The following PRKCB variants were observed in gnomAD, a reference collection of about 807,000 sequenced individuals.
The protein encoded by PRKCB is protein kinase C beta.
In PRKCB, 13 loss-of-function variants were observed where a neutral mutation model predicts 81.5. The ratio of observed to expected loss-of-function variants is 0.16; its 90% CI spans 0.10 to 0.25. The LOEUF (loss-of-function observed/expected upper bound fraction) is 0.25. Ranked by LOEUF, PRKCB falls within the 10% of genes least tolerant of loss-of-function variation. PRKCB has a pLI of 1.00. For synonymous variants in PRKCB, 335 were observed against 321.4 expected, an observed-to-expected ratio of 1.04 and a Z score of -0.45; for missense variants, 509 against 875.7, an observed-to-expected ratio of 0.58 and a Z score of 5.29.
chr16:24,149,654 T>C (rs1330024075), intron 9 of PRKCB, among the ~76,000 whole-genome samples: 1 of 152,226 alleles, frequency 6.6e-6, no homozygotes, highest in Non-Finnish European at 1.5e-5. Context: ...GCTTGGAATC[T>C]ATATGGTAAG....
chr16:24,032,092 G>A (rs553890152), intron 3 of PRKCB, 44 bp from the exon 4 acceptor site: 1 of 1,388,070 alleles, frequency 7.2e-7, no homozygotes, highest in Non-Finnish European at 1.0e-6. Context: ...CCGTTGGCAT[G>A]CTCCACTGAC....
chr16:23,881,982 C>CTTTT (rs1199307590), intron 2 of PRKCB, among the ~76,000 whole-genome samples: 1 of 22,012 alleles, frequency 4.5e-5, no homozygotes, highest in Non-Finnish European at 1.0e-4. Flanking sequence ...TTCTTTCTTT[C>CTTTT]TTTCTTTCTT....
intron 16 of PRKCB, among the ~76,000 whole-genome samples, chr16:24,200,496 C>T (rs1370260187): frequency 6.6e-6 from 1 of 152,102 alleles, no homozygotes; most frequent in Non-Finnish European, 1.5e-5. Context: ...TGTCTTAGTC[C>T]ATGTTGTGTT....
intron 2 of PRKCB, among the ~76,000 whole-genome samples, chr16:23,860,363 A>G (rs1337865768): frequency 6.6e-6 from 1 of 152,158 alleles, no homozygotes; most frequent in Non-Finnish European, 1.5e-5. Flanking sequence ...GGGAGAAGAT[A>G]GAGAATTATG....
intron 2 of PRKCB, among the ~76,000 whole-genome samples, chr16:23,857,492 A>G (rs1962589566): frequency 6.6e-6 from 1 of 152,038 alleles, no homozygotes; most frequent in South Asian, 2.1e-4. Flanking sequence ...GAGACTTCCA[A>G]GGGCTGGGAT....
At chr16:24,063,758 T>C (rs1402302728) in intron 5 of PRKCB, among the ~76,000 whole-genome samples, 1 of 152,058 alleles carries the variant, frequency 6.6e-6, no homozygotes, top group Non-Finnish European at 1.5e-5. Context: ...CACTAGAGTG[T>C]GAGATTTCTG....
chr16:23,890,753 T>C (rs1337899579), intron 2 of PRKCB, among the ~76,000 whole-genome samples: 7 of 152,190 alleles, frequency 4.6e-5, no homozygotes, highest in Admixed American at 4.6e-4. Context: ...AGAGCCTGCC[T>C]TTCTTCTGGG....
chr16:24,015,092 C>T (rs897669870), intron 3 of PRKCB, among the ~76,000 whole-genome samples: 45 of 152,272 alleles, frequency 3.0e-4, no homozygotes, highest in African/African-American at 1.1e-3. Context: ...TGAACTGCCG[C>T]GCCTGGCCTT....
intron 15 of PRKCB, among the ~76,000 whole-genome samples, chr16:24,190,320 A>G (rs932670838): frequency 1.3e-5 from 2 of 152,168 alleles, no homozygotes; most frequent in African/African-American, 4.8e-5. Flanking sequence ...TGCAAATGGT[A>G]TCTGAATGAA....
At chr16:24,091,803 G>T (rs1171876337) in intron 5 of PRKCB, among the ~76,000 whole-genome samples, 1 of 152,150 alleles carries the variant, frequency 6.6e-6, no homozygotes, top group African/African-American at 2.4e-5. Flanking sequence ...AGTAGAGACA[G>T]GGTTTCACCA....
At chr16:24,115,103 T>C (rs1224140836) in intron 8 of PRKCB, among the ~76,000 whole-genome samples, 1 of 152,174 alleles carries the variant, frequency 6.6e-6, no homozygotes, top group Admixed American at 6.5e-5. Context: ...CCAGCCTGGG[T>C]AGAGCAGAGA....
At chr16:24,144,515 G>A (rs1385244896) in intron 9 of PRKCB, among the ~76,000 whole-genome samples, 1 of 152,166 alleles carries the variant, frequency 6.6e-6, no homozygotes, top group Non-Finnish European at 1.5e-5. Flanking sequence ...TGGCCAGGCT[G>A]GTCTCGAAAT....
chr16:24,061,653 T>C (rs571287015), intron 5 of PRKCB, among the ~76,000 whole-genome samples: 1 of 152,262 alleles, frequency 6.6e-6, no homozygotes, highest in East Asian at 1.9e-4. Context: ...GGTTGTTCCT[T>C]GGGGCCTTTA....
At chr16:23,987,597 A>C (rs1964818750) in intron 2 of PRKCB, among the ~76,000 whole-genome samples, 1 of 152,128 alleles carries the variant, frequency 6.6e-6, no homozygotes, top group African/African-American at 2.4e-5. Context: ...TGACCTTAGC[A>C]ACCATAGATG....
chr16:23,987,254 TAGTTG>T (rs2141820785), intron 2 of PRKCB, among the ~76,000 whole-genome samples: 1 of 152,318 alleles, frequency 6.6e-6, no homozygotes, highest in East Asian at 1.9e-4. Flanking sequence ...TAAAAAAATT[TAGTTG>T]ATATGTTTCT....
At chr16:24,214,623 C>A in intron 16 of PRKCB, 35 bp from the exon 17 acceptor site, 1 of 1,563,764 alleles carries the variant, frequency 6.4e-7, no homozygotes, top group Non-Finnish European at 8.7e-7. Flanking sequence ...TTTTTTTTCC[C>A]ACCCACCACA....
chr16:23,925,945 G>C (rs1053929345), intron 2 of PRKCB, among the ~76,000 whole-genome samples: 1 of 146,248 alleles, frequency 6.8e-6, no homozygotes, highest in Admixed American at 6.7e-5. Flanking sequence ...TTTTTTTTAA[G>C]ATAATGGCTT....
intron 15 of PRKCB, among the ~76,000 whole-genome samples, chr16:24,189,784 T>C (rs1432251393): frequency 6.6e-6 from 1 of 152,210 alleles, no homozygotes; most frequent in East Asian, 1.9e-4. Context: ...GGCAACAGGC[T>C]GAGTGACTGT....
intron 2 of PRKCB, among the ~76,000 whole-genome samples, chr16:23,873,518 T>G (rs1463792251): frequency 1.3e-5 from 2 of 152,234 alleles, no homozygotes; most frequent in Non-Finnish European, 2.9e-5. Flanking sequence ...CTTTCTCCTT[T>G]TTCTGTTGAT....
Sources: allele counts gnomAD v4.1 joint callset (sites outside exome capture counted in the v4.1 genomes callset), GRCh38; gene constraint gnomAD v4.1.1; transcripts MANE v1.5; gene names NCBI Gene and HGNC (gene_info 2026-07-23, HGNC 2026-07-21).